LUZP2: variants seen among roughly 807,000 people sequenced by gnomAD.
The protein encoded by LUZP2 is leucine zipper protein 2.
In LUZP2, 52 loss-of-function variants were observed where a neutral mutation model predicts 51.6. That is an observed-to-expected ratio of 1.01 (90% CI 0.81 to 1.27). The LOEUF (loss-of-function observed/expected upper bound fraction) is 1.27. Among genes scored for constraint, LUZP2 ranks in the 50% most tolerant of loss-of-function variants. The pLI is 0.00. For synonymous variants in LUZP2, 154 were observed against 137.3 expected, an observed-to-expected ratio of 1.12 and a Z score of -0.85; for missense variants, 436 against 395.4, an observed-to-expected ratio of 1.10 and a Z score of -0.87.
intron 1 of LUZP2, among the ~76,000 whole-genome samples, chr11:24,659,223 A>G (rs972820122): frequency 3.3e-5 from 5 of 152,252 alleles, no homozygotes; most frequent in Non-Finnish European, 5.9e-5. Context: ...CATATACACC[A>G]TGGAATACTA....
intron 6 of LUZP2, 125 bp from the exon 7 acceptor site, chr11:24,914,351 T>G: frequency 1.4e-6 from 1 of 704,216 alleles, no homozygotes; most frequent in Non-Finnish European, 2.4e-6. Flanking sequence ...GCTTTACTTC[T>G]AAACTGGTTG....
chr11:24,897,066 G>C (rs187408732), intron 5 of LUZP2, among the ~76,000 whole-genome samples: 27 of 152,168 alleles, frequency 1.8e-4, no homozygotes, highest in Non-Finnish European at 3.7e-4. Context: ...ACACCAATCA[G>C]TGCTCTGTGT....
chr11:24,626,654 A>G (rs1854695068), intron 1 of LUZP2, among the ~76,000 whole-genome samples: 1 of 152,214 alleles, frequency 6.6e-6, no homozygotes, highest in Non-Finnish European at 1.5e-5. Flanking sequence ...ACTGAACTTC[A>G]GCCAATTGTT....
intron 1 of LUZP2, among the ~76,000 whole-genome samples, chr11:24,620,507 T>A (rs1854458928): frequency 6.6e-6 from 1 of 152,182 alleles, no homozygotes; most frequent in Non-Finnish European, 1.5e-5. Flanking sequence ...AATTAGTAAG[T>A]TATTAGCTTC....
intron 9 of LUZP2, among the ~76,000 whole-genome samples, chr11:25,032,139 G>A (rs1485679967): frequency 6.6e-6 from 1 of 152,142 alleles, no homozygotes; most frequent in African/African-American, 2.4e-5. Context: ...GGAAGGGCCA[G>A]GGAGTGTATT....
At chr11:24,531,223 T>C (rs12285639) in intron 1 of LUZP2, among the ~76,000 whole-genome samples, 28,249 of 150,240 alleles carry the variant, frequency 0.19, 4,649 homozygotes, top group African/African-American at 0.44. Flanking sequence ...ATGTATATTC[T>C]GGTAATTGAA....
intron 1 of LUZP2, among the ~76,000 whole-genome samples, chr11:24,711,318 C>A (rs564410976): frequency 2.0e-5 from 3 of 151,970 alleles, no homozygotes; most frequent in Non-Finnish European, 4.4e-5. Flanking sequence ...GGTGTGGCGG[C>A]GGGTGCCTGC....
At chr11:25,036,692 G>GT (rs1046714579) in intron 9 of LUZP2, among the ~76,000 whole-genome samples, 64 of 151,860 alleles carry the variant, frequency 4.2e-4, no homozygotes, top group African/African-American at 1.5e-3. Context: ...TTTCAAATAT[G>GT]TTTTTTTTCC....
intron 5 of LUZP2, among the ~76,000 whole-genome samples, chr11:24,794,534 A>G (rs1188663177): frequency 1.3e-5 from 2 of 152,182 alleles, no homozygotes; most frequent in African/African-American, 2.4e-5. Flanking sequence ...AGCCATGGGA[A>G]ATATTAACTT....
rs942749764 is a variant in LUZP2, at chr11:24,926,255, G to A, written c.522+11717G>A. On this transcript the variant is annotated intron_variant, in intron 7 of 11. Transcript: ENST00000336930. ...TATATATGTGTGTGTATATATATAC[G>A]TGTGTGTATATATATACGTGTATAT... 2.1e-4 allele frequency among the ~76,000 whole-genome samples: 28 copies of A among 134,600 alleles called. 1 individual carries two copies. Among genetic ancestry groups the A allele is most frequent in the Admixed American group, 1.3e-3 (18 of 13,346 alleles). 88.3% of individuals were successfully genotyped at this position (134,600 alleles called of 152,430 possible).
At chr11:24,531,286 AT>A (rs1850989290) in intron 1 of LUZP2, among the ~76,000 whole-genome samples, 1 of 150,724 alleles carries the variant, frequency 6.6e-6, no homozygotes, top group South Asian at 2.1e-4. Flanking sequence ...AATTTTTAAG[AT>A]GTTTAATTAT....
chr11:24,994,286 T>C (rs1856434526), intron 9 of LUZP2, among the ~76,000 whole-genome samples: 1 of 151,860 alleles, frequency 6.6e-6, no homozygotes, highest in South Asian at 2.1e-4. Flanking sequence ...CATCTAGGCA[T>C]ATGATTTAAT....
intron 1 of LUZP2, among the ~76,000 whole-genome samples, chr11:24,675,502 C>T (rs1339743825): frequency 1.3e-5 from 2 of 152,014 alleles, no homozygotes; most frequent in Non-Finnish European, 2.9e-5. Context: ...ATTAGCTTGC[C>T]ATAGAGTACT....
intron 1 of LUZP2, among the ~76,000 whole-genome samples, chr11:24,567,832 C>T (rs1852292779): frequency 6.6e-6 from 1 of 151,834 alleles, no homozygotes; most frequent in South Asian, 2.1e-4. Context: ...AAAAAGAGAT[C>T]CTAAAGGAAG....
intron 9 of LUZP2, among the ~76,000 whole-genome samples, chr11:24,984,349 G>A (rs1045233671): frequency 6.6e-6 from 1 of 150,822 alleles, no homozygotes; most frequent in African/African-American, 2.4e-5. Context: ...ATAGAATGAA[G>A]TAAATCTTCT....
rs376560030 is a variant in LUZP2 at position 24,636,964 on chromosome 11, G to A, written c.63-92205G>A. Among the ~76,000 whole-genome samples the A allele has an allele frequency of 1.8e-4, 28 of 151,376 alleles. No individual in the cohort carries two copies. The South Asian group carries it at 5.2e-3, about 28-fold the overall frequency. The stretch of plus-strand genomic sequence containing the variant: ...TTGAATTTTAAATATAAAAATTATA[G>A]AATATATATTAAAAACTATCAGTGT... On this transcript the variant is annotated intron_variant, in intron 1 of 11. Coordinates refer to ENST00000336930, the MANE Select transcript of LUZP2 (RefSeq NM_001009909.4).
chr11:24,611,510 A>G lies in LUZP2; in HGVS notation c.62+114205A>G, dbSNP rs1300517345. Among the ~76,000 whole-genome samples, 1 of 152,164 alleles carries G rather than the reference A, an allele frequency of 6.6e-6. No homozygotes were observed. Among genetic ancestry groups the G allele is most frequent in the Non-Finnish European group, 1.5e-5 (1 of 68,026 alleles). On this transcript the variant is annotated intron_variant, in intron 1 of 11. Coordinates refer to ENST00000336930, the MANE Select transcript of LUZP2 (RefSeq NM_001009909.4). The surrounding 1 kb of genome is among the most constrained non-coding windows in gnomAD (Gnocchi z 4.6). ...GGTGATCTCAGACAGGGCTTGTTAG[A>G]TTGTGTGAAAAGATACATTGAGTCA...
At chr11:24,831,736 C>T (rs1850710221) in intron 5 of LUZP2, among the ~76,000 whole-genome samples, 1 of 152,084 alleles carries the variant, frequency 6.6e-6, no homozygotes, top group Non-Finnish European at 1.5e-5. Flanking sequence ...ACAAAGAAAG[C>T]AAAGCACACC....
At chr11:24,534,933 A>G (rs1451754739) in intron 1 of LUZP2, among the ~76,000 whole-genome samples, 2 of 151,368 alleles carry the variant, frequency 1.3e-5, no homozygotes, top group Non-Finnish European at 3.0e-5. Context: ...TTCCACCATA[A>G]ACATAGAGGC....
Sources: allele counts gnomAD v4.1 joint callset (sites outside exome capture counted in the v4.1 genomes callset), GRCh38; gene constraint gnomAD v4.1.1; non-coding constraint Gnocchi (gnomAD v3.1); transcripts MANE v1.5; gene names NCBI Gene and HGNC (gene_info 2026-07-23, HGNC 2026-07-21).